Variants in LMF2 observed in about 807,000 individuals in gnomAD.
The protein encoded by LMF2 is transmembrane protein 112B.
Under a neutral mutation model 81.5 loss-of-function variants are expected in LMF2, and 113 were observed. That is an observed-to-expected ratio of 1.39 (90% CI 1.19 to 1.62). The LOEUF is 1.62. Ranked by LOEUF, LMF2 falls within the 40% of genes most tolerant of loss-of-function variation. The pLI, the probability that LMF2 is intolerant of heterozygous loss-of-function variation, is 0.00. For synonymous variants in LMF2, 645 were observed against 424.5 expected (o/e 1.52, Z -6.39); for missense variants, 1,235 against 929.1 (o/e 1.33, Z -4.28).
intron 1 of LMF2, chr22:50,507,267 G>A (rs1007881501): frequency 1.5e-6 from 1 of 657,568 alleles, no homozygotes; most frequent in Non-Finnish European, 2.6e-6. Flanking sequence ...CCACCCAGCA[G>A]AGCCCACTGC....
chr22:50,505,354 T>C lies in LMF2; in HGVS notation c.1052-20A>G. On this transcript the variant is annotated intron_variant, in intron 7 of 13. Coordinates refer to ENST00000474879, the MANE Select transcript of LMF2 (RefSeq NM_033200.3). ...TGAAAGCTGGTGGAGGAGGGGGGTG[T>C]GAGGACTGGTCCGCCCCTGCCCTCT... is the stretch of plus-strand genomic sequence containing the variant. 1 of 1,613,114 alleles carries C rather than the reference T, an allele frequency of 6.2e-7. No homozygotes were observed. The highest frequency in any genetic ancestry group is 1.1e-5 in the South Asian group (1 of 91,082).
chr22:50,503,509 A>T lies in LMF2; in HGVS notation c.2006T>A (p.Val669Asp). Residue 669 changes from valine (V) to aspartate (D), a missense_variant, in exon 14 of 14, where the codon GTC becomes GAC. Physicochemically the swap from Val to Asp is radical, Grantham distance 152. Transcript: ENST00000474879. The stretch of plus-strand genomic sequence containing the variant: ...GGCTGGCCTGCGCTTCTCCCCGCTG[A>T]CTGGTGCCAGCGGGGAGGACCGGAG... ...CSLRSSPLAP[V>D]SGEKRRPASQ... The T allele has an allele frequency of 6.3e-7, 1 of 1,580,706 alleles. No homozygotes were observed. Among genetic ancestry groups the T allele is most frequent in the Non-Finnish European group, 8.6e-7 (1 of 1,167,130 alleles).
intron 6 of LMF2, 30 bp from the exon 7 acceptor site, chr22:50,505,567 G>A (rs375917497): frequency 1.5e-4 from 237 of 1,612,150 alleles, no homozygotes; most frequent in Middle Eastern, 9.9e-4. Flanking sequence ...TGGGTCAGCA[G>A]AGGGTCCCCA....
rs762812659 is a variant in LMF2, at chr22:50,506,882, A to C, written c.248T>G (p.Leu83Arg). 11 of 1,587,064 alleles carry C rather than the reference A, an allele frequency of 6.9e-6. No individual in the cohort carries two copies. In the East Asian group the frequency reaches 1.4e-4, roughly 20 times the overall value. Residue 83 changes from leucine (L) to arginine (R), a missense_variant, in exon 2 of 14, where the codon CTG becomes CGG. Leu to Arg is a moderately radical substitution (Grantham distance 102). Coordinates refer to ENST00000474879, the MANE Select transcript of LMF2 (RefSeq NM_033200.3). ...TCCCAGGGCCACTAGTGCACCCAGCAGGCTCAGCAGCTCCAGGCCCTGGGC... is the reference window on the plus strand; with the variant it reads ...TCCCAGGGCCACTAGTGCACCCAGCCGGCTCAGCAGCTCCAGGCCCTGGGC... ...DTAQGLELLS[L>R]LGALVALGAL...
Position 50,503,550 on chromosome 22 carries a change from C to G in LMF2, c.1965G>C (p.Leu655=). 1.3e-6 allele frequency: 2 copies of G among 1,555,534 alleles called. No individual in the cohort carries two copies. The highest frequency in any genetic ancestry group is 1.7e-6 in the Non-Finnish European group (2 of 1,153,884). Residue 655 remains leucine (L), a synonymous_variant, in exon 14 of 14, where the codon CTG becomes CTC. Coordinates refer to ENST00000474879, the MANE Select transcript of LMF2 (RefSeq NM_033200.3). The stretch of plus-strand genomic sequence containing the variant: ...AGGACCGGAGAGAACAGGGTGCTAG[C>G]AGGGCTTGCACAAATCTGACAGCCC... The part of the protein sequence containing the change: ...AVGAVRFVQA[L]LAPCSLRSSP...
chr22:50,507,197 G>C, intron 1 of LMF2, 162 bp from the exon 2 acceptor site: 1 of 1,258,014 alleles, frequency 7.9e-7, no homozygotes, highest in Non-Finnish European at 1.1e-6. Context: ...CCCAGGTCGG[G>C]ACCTGTCAAA....
In LMF2 at chr22:50,505,757, G is replaced by A. The variant is rs544702734; in HGVS notation, c.833C>T (p.Thr278Met). The change falls in exon 6 of 14, where the codon ACG (threonine) becomes ATG (methionine). Residue 278 changes from threonine to methionine, a missense_variant. Coordinates refer to ENST00000474879, the MANE Select transcript of LMF2 (RefSeq NM_033200.3). ...CAGCAGCGCAGTGGTAAGCACCAGC[G>A]TCATCAGGTTGAAGAAGTTGTAGTT... ...TGNYNFFNLMTLVLTTALLDD... is the reference protein window; with the variant it reads ...TGNYNFFNLMMLVLTTALLDD... The A allele has an allele frequency of 2.7e-5, 43 of 1,613,232 alleles. No individual in the cohort carries two copies. Among genetic ancestry groups the A allele is most frequent in the South Asian group, 1.8e-4 (16 of 91,088 alleles).
Position 50,504,414 on chromosome 22 carries a change from G to C in LMF2, c.1644C>G (p.Pro548=), listed in dbSNP as rs368135165. ...CGTAGGTGGGCGGCTGCTTGTGGAA[G>C]GGATACCTGGCCACTTGGCTCTGGA... is the stretch of plus-strand genomic sequence containing the variant. ...RLVQSQVARY[P]FHKQPPTYVR... is the part of the protein sequence containing the mutation. The change falls in exon 12 of 14, where the codon CCC becomes CCG. Residue 548 remains proline, a synonymous_variant. Transcript: ENST00000474879. 1 of 1,612,326 alleles carries C rather than the reference G, an allele frequency of 6.2e-7. No individual in the cohort carries two copies. Among genetic ancestry groups the C allele is most frequent in the East Asian group, 2.2e-5 (1 of 44,846 alleles).
intron 12 of LMF2, 30 bp downstream of exon 12, chr22:50,504,310 C>T: frequency 6.4e-7 from 1 of 1,553,558 alleles, no homozygotes; most frequent in South Asian, 1.1e-5. Flanking sequence ...GCACCCCGGG[C>T]TCCACACCCC....
Position 50,506,301 on chromosome 22 carries a change from C to T in LMF2, c.579G>A (p.Ala193=), listed in dbSNP as rs951110066. The T allele has an allele frequency of 6.5e-6, 10 of 1,549,236 alleles. No homozygotes were observed. Among genetic ancestry groups the T allele is most frequent in the African/African-American group, 2.7e-5 (2 of 73,032 alleles). The change falls in exon 4 of 14, where the codon GCG becomes GCA. Residue 193 remains alanine, a synonymous_variant. Transcript: ENST00000474879. ...GCCCCTCACCAGTGAGCCCCCACCA[C>T]GCAGGGCAGCGGCTGGTCAGCTTGA... ...GVVKLTSRCP[A]WWGLTALTYH...
chr22:50,506,083 CA>C lies in LMF2; in HGVS notation c.725del (p.Leu242ArgfsTer23). 1.3e-6 allele frequency: 2 copies of C among 1,591,698 alleles called. No individual in the cohort carries two copies. The highest frequency in any genetic ancestry group is 1.7e-6 in the Non-Finnish European group (2 of 1,169,456). ...GCAGGCGTCGAATGGGGGCGAAGAACAGGGGCGGCACAGCGATCTCAATTAG... is the reference window on the plus strand; with the variant it reads ...GCAGGCGTCGAATGGGGGCGAAGAACGGGGCGGCACAGCGATCTCAATTAG... ...TFLIEIAVPP[L>X]FFAPIRRLRL... On this transcript the variant is annotated frameshift_variant, in exon 5 of 14. Coordinates refer to ENST00000474879, the MANE Select transcript of LMF2 (RefSeq NM_033200.3). LOFTEE classifies it high-confidence loss of function.
rs755250506 is a variant in LMF2, at chr22:50,504,813, G to A, written c.1426C>T (p.His476Tyr). 27 of 1,606,200 alleles carry A rather than the reference G, an allele frequency of 1.7e-5. No individual in the cohort carries two copies. Among genetic ancestry groups the A allele is most frequent in the Non-Finnish European group, 2.0e-5 (24 of 1,175,446 alleles). Residue 476 changes from histidine (H) to tyrosine (Y), a missense_variant, in exon 10 of 14, where the codon CAC becomes TAC. By Grantham distance (83) the His-to-Tyr change is moderately conservative. Transcript: ENST00000474879. ...EVVLEGSYDG[H>Y]HWTEIEFMYK... Reference sequence around the variant, plus strand: ...CTGGGAGGGCTCACCGTCCAGTGGTGGCCGTCGTAACTGCCCTCCAGCACC... The same window carrying A: ...CTGGGAGGGCTCACCGTCCAGTGGTAGCCGTCGTAACTGCCCTCCAGCACC...
chr22:50,503,821 T>C lies in LMF2; in HGVS notation c.1802A>G (p.Gln601Arg). 1 of 1,605,686 alleles carries C rather than the reference T, an allele frequency of 6.2e-7. No individual in the cohort carries two copies. Among genetic ancestry groups the C allele is most frequent in the South Asian group, 1.1e-5 (1 of 91,074 alleles). Residue 601 changes from glutamine (Q) to arginine (R), a missense_variant, in exon 13 of 14, where the codon CAG becomes CGG. Coordinates refer to ENST00000474879, the MANE Select transcript of LMF2 (RefSeq NM_033200.3). ...GDPTLETLLR[Q>R]FGLQEKSPPR... is the part of the protein sequence containing the mutation. ...ACACCCCCTTACCTGTAGTCCAAAC[T>C]GCCTGAGCAGCGTCTCCAGCGTGGG...
rs1445952332 is a variant in LMF2, at chr22:50,504,624, C to T, written c.1541G>A (p.Gly514Asp). 2 of 1,607,498 alleles carry T rather than the reference C, an allele frequency of 1.2e-6. No homozygotes were observed. The highest frequency in any genetic ancestry group is 2.2e-5 in the East Asian group (1 of 44,850). ...LDWQMWFAAL[G>D]PHTHSPWFTS... is the part of the protein sequence containing the mutation. ...GAACCACGGGCTGTGCGTGTGTGGG[C>T]CCAGGGCTGCAAACCACATCTGCCA... The change falls in exon 11 of 14, where the codon GGC becomes GAC. Residue 514 changes from glycine (G) to aspartate (D), a missense_variant. Transcript: ENST00000474879.
chr22:50,506,451 C>A lies in LMF2; in HGVS notation c.429G>T (p.Leu143=). 6.4e-7 allele frequency: 1 copy of A among 1,550,602 alleles called. No homozygotes were observed. ...CCTCCTTGCGGTGGGAGGCTGGCCTCAGCGGGGCCACCAGCACGGCCAGGA... is the reference window on the plus strand; with the variant it reads ...CCTCCTTGCGGTGGGAGGCTGGCCTAAGCGGGGCCACCAGCACGGCCAGGA... ...TGFLAVLVAP[L]RPASHRKEAP... is the part of the protein sequence containing the mutation. The change falls in exon 4 of 14, where the codon CTG becomes CTT. Residue 143 remains leucine, a synonymous_variant. Coordinates refer to ENST00000474879, the MANE Select transcript of LMF2 (RefSeq NM_033200.3).
intron 3 of LMF2, 61 bp from the exon 4 acceptor site, chr22:50,506,563 T>C: frequency 6.3e-7 from 1 of 1,586,160 alleles, no homozygotes; most frequent in Non-Finnish European, 8.6e-7. Context: ...CCTCGGAAAG[T>C]CCTCCCAGGA....
In LMF2 at chr22:50,503,798, A is replaced by G. The variant is rs1301965601; in HGVS notation, c.1815+10T>C. ...TGCCACCTCCCCCAGCCTGGCTGAC[A>G]CCCCCTTACCTGTAGTCCAAACTGC... On this transcript the variant is annotated intron_variant, in intron 13 of 13. Transcript: ENST00000474879. The G allele has an allele frequency of 3.1e-6, 5 of 1,601,664 alleles. No homozygotes were observed. The South Asian group carries it at 4.4e-5, about 14-fold the overall frequency.
rs1308106772 is a variant in LMF2, at chr22:50,504,893, G to A, written c.1346C>T (p.Ala449Val). 3.1e-6 allele frequency: 5 copies of A among 1,609,844 alleles called. No individual in the cohort carries two copies. Among genetic ancestry groups the A allele is most frequent in the Middle Eastern group, 1.7e-4 (1 of 6,038 alleles). Residue 449 changes from alanine (A) to valine (V), a missense_variant, in exon 10 of 14, where the codon GCC (alanine) becomes GTC (valine). Physicochemically the swap from Ala to Val is moderately conservative, Grantham distance 64. Transcript: ENST00000474879. ...GCGGCGGAAGAGGCCGTAGGAGTTG[G>A]CCAGCTGTAGGTGCTCCACGGCACC... Reference protein sequence around the residue: ...LFGAVEHLQLANSYGLFRRMT... With the variant: ...LFGAVEHLQLVNSYGLFRRMT...
rs769895409 is a variant in LMF2, at chr22:50,504,360, G to C, written c.1698C>G (p.Phe566Leu). The C allele has an allele frequency of 6.2e-7, 1 of 1,611,842 alleles. No individual in the cohort carries two copies. The highest frequency in any genetic ancestry group is 1.7e-5 in the Admixed American group (1 of 59,920). The change falls in exon 12 of 14, where the codon TTC becomes TTG. Residue 566 changes from phenylalanine to leucine, a missense_variant. Coordinates refer to ENST00000474879, the MANE Select transcript of LMF2 (RefSeq NM_033200.3). The stretch of plus-strand genomic sequence containing the variant: ...CTTACCCCTGCTCCCCAGGCTGGGA[G>C]AACCAGTACTTGTAGCGCTGGGCTC... ...YVRAQRYKYW[F>L]SQPGEQGQWW...
Sources: gnomAD v4.1 joint callset for allele counts on GRCh38, gnomAD v4.1.1 for gene constraint, MANE v1.5 for transcripts, NCBI Gene and HGNC (gene_info 2026-07-23, HGNC 2026-07-21) for gene names.